The following RANBP2 variants were observed in gnomAD, a reference collection of about 807,000 sequenced individuals.
RANBP2 encodes RAN binding protein 2, also known as E3 SUMO-protein ligase RanBP2.
RANBP2 carries 57 observed loss-of-function variants against 303.6 expected under a neutral mutation model. The observed-to-expected ratio is 0.19, with a 90% CI of 0.15 to 0.23. The LOEUF (loss-of-function observed/expected upper bound fraction) is 0.23. RANBP2 is among the 10% of genes least tolerant of loss of function. The pLI, the probability that RANBP2 is intolerant of heterozygous loss-of-function variation, is 1.00. For missense variants in RANBP2, 3,138 were observed against 3,780.8 expected (o/e 0.83, Z 4.46); for synonymous variants, 1,167 against 1,301.5 (o/e 0.90, Z 2.23).
Position 108,782,743 on chromosome 2 carries a change from T to A in RANBP2, c.9250T>A (p.Leu3084Ile). 1 of 1,614,218 alleles carries A rather than the reference T, an allele frequency of 6.2e-7. No homozygotes were observed. Among genetic ancestry groups the A allele is most frequent in the Non-Finnish European group, 8.5e-7 (1 of 1,180,040 alleles). ...GEPLGRITMELFSNIVPRTAE... is the reference protein window; with the variant it reads ...GEPLGRITMEIFSNIVPRTAE... ...ACCTCTAGGGCGGATAACTATGGAATTATTTTCAAACATTGTTCCTCGGAC... is the reference window on the plus strand; with the variant it reads ...ACCTCTAGGGCGGATAACTATGGAAATATTTTCAAACATTGTTCCTCGGAC... The change falls in exon 28 of 29, where the codon TTA becomes ATA. Residue 3084 changes from leucine (L) to isoleucine (I), a missense_variant. Around this residue, in one of 20 missense-constraint regions of RANBP2, gnomAD observed 204 missense variants for 228.4 expected, o/e 0.89. Coordinates refer to ENST00000283195, the MANE Select transcript of RANBP2 (RefSeq NM_006267.5).
chr2:109,466,677 A>G, the RANBP2 span, among the ~76,000 whole-genome samples: 6,859 of 152,128 alleles, frequency 0.045, 460 homozygotes, highest in African/African-American at 0.14. Context: ...ATTTTTCCAT[A>G]TGTTATCTTC....
At chr2:109,006,017 G>A in the RANBP2 span, among the ~76,000 whole-genome samples, 1 of 152,120 alleles carries the variant, frequency 6.6e-6, no homozygotes, top group Non-Finnish European at 1.5e-5. Flanking sequence ...AGGTTCCTAC[G>A]GCCAGCCCGG....
chr2:109,074,992 C>T, the RANBP2 span, among the ~76,000 whole-genome samples: 1 of 122,506 alleles, frequency 8.2e-6, no homozygotes, highest in Admixed American at 9.6e-5. Context: ...CACCACTGCA[C>T]TCCAGCCTGG....
At chr2:109,593,257 T>C in the RANBP2 span, 18 of 489,366 alleles carry the variant, frequency 3.7e-5, no homozygotes, top group Admixed American at 1.2e-4. Flanking sequence ...GTCTACATTA[T>C]TGAATCGTGT....
rs190570817 is a variant in RANBP2 at position 108,760,540 on chromosome 2, A to G, written c.2603-1561A>G. Among the ~76,000 whole-genome samples, 676 of 152,284 alleles carry G rather than the reference A, an allele frequency of 4.4e-3. 4 individuals carry two copies. Among genetic ancestry groups the G allele is most frequent in the African/African-American group, 0.015 (644 of 41,554 alleles). On this transcript the variant is annotated intron_variant, in intron 18 of 28. Transcript: ENST00000283195. Reference sequence around the variant, plus strand: ...AGAATATTCAGTTTATGCTCTTACCACTAGTATCTGATAGTGCCATTTTCG... The same window carrying G: ...AGAATATTCAGTTTATGCTCTTACCGCTAGTATCTGATAGTGCCATTTTCG...
the RANBP2 span, among the ~76,000 whole-genome samples, chr2:109,154,930 A>G: frequency 1.6e-4 from 24 of 152,312 alleles, no homozygotes; most frequent in East Asian, 2.3e-3. Flanking sequence ...TGGCTTTCCA[A>G]ATCACGACTT....
At chr2:109,398,855 G>A in the RANBP2 span, 1 of 1,613,958 alleles carries the variant, frequency 6.2e-7, no homozygotes, top group Non-Finnish European at 8.5e-7. Context: ...ATGGAAATTA[G>A]TGCTCCAGTG....
the RANBP2 span, among the ~76,000 whole-genome samples, chr2:109,629,338 T>G: frequency 9.4e-5 from 1 of 10,680 alleles, no homozygotes; most frequent in Non-Finnish European, 2.2e-4. Context: ...TATATATATA[T>G]ATATATATAT....
At chr2:109,021,954 G>A in the RANBP2 span, among the ~76,000 whole-genome samples, 4 of 152,224 alleles carry the variant, frequency 2.6e-5, no homozygotes, top group Non-Finnish European at 5.9e-5. Flanking sequence ...CCAAGCAGGA[G>A]TGGAACTTTT....
At chr2:109,491,984 A>G in the RANBP2 span, among the ~76,000 whole-genome samples, 1 of 152,070 alleles carries the variant, frequency 6.6e-6, no homozygotes, top group Admixed American at 6.5e-5. Context: ...CTATCCTCAC[A>G]TATTCTTCTG....
intron 6 of RANBP2, among the ~76,000 whole-genome samples, chr2:108,738,412 G>A (rs957481282): frequency 6.6e-6 from 1 of 151,774 alleles, no homozygotes; most frequent in Non-Finnish European, 1.5e-5. Context: ...GTCTACCTTG[G>A]CCTCCCAAAG....
chr2:109,430,076 C>T, the RANBP2 span, among the ~76,000 whole-genome samples: 14 of 152,312 alleles, frequency 9.2e-5, no homozygotes, highest in African/African-American at 2.4e-4. Context: ...GCAGCTAGGG[C>T]GTGTTCTGAG....
chr2:109,453,212 T>C, the RANBP2 span, among the ~76,000 whole-genome samples: 1 of 152,098 alleles, frequency 6.6e-6, no homozygotes, highest in South Asian at 2.1e-4. Flanking sequence ...TGCAGGAACC[T>C]CTCCAGCCTA....
At chr2:108,940,875 C>G in the RANBP2 span, among the ~76,000 whole-genome samples, 1 of 152,138 alleles carries the variant, frequency 6.6e-6, no homozygotes, top group Admixed American at 6.5e-5. Context: ...AAACTAATCA[C>G]GTTTATTGAG....
the RANBP2 span, among the ~76,000 whole-genome samples, chr2:109,451,827 G>A: frequency 3.9e-5 from 6 of 152,318 alleles, no homozygotes; most frequent in East Asian, 9.7e-4. Flanking sequence ...GATAGCTCCC[G>A]AGCCTCTGTG....
chr2:109,707,494 C>T, the RANBP2 span, among the ~76,000 whole-genome samples: 7 of 152,324 alleles, frequency 4.6e-5, no homozygotes, highest in East Asian at 1.9e-4. Flanking sequence ...TAAATACCCA[C>T]GTTGCCAAAT....
chr2:108,929,549 T>G, the RANBP2 span, among the ~76,000 whole-genome samples: 52 of 152,216 alleles, frequency 3.4e-4, no homozygotes, highest in Non-Finnish European at 6.8e-4. Flanking sequence ...AACCAGCTCA[T>G]GCTCTGGGCT....
the RANBP2 span, among the ~76,000 whole-genome samples, chr2:109,090,990 A>G: frequency 2.0e-5 from 3 of 152,126 alleles, no homozygotes; most frequent in Admixed American, 6.5e-5. Context: ...TAAAGCTTTG[A>G]TATTTTGTTC....
chr2:109,717,643 G>A, the RANBP2 span, among the ~76,000 whole-genome samples: 2 of 151,964 alleles, frequency 1.3e-5, no homozygotes, highest in Non-Finnish European at 2.9e-5. Flanking sequence ...GCCAGGCACA[G>A]TGGCTCACAC....
Sources: allele counts gnomAD v4.1 joint callset (sites outside exome capture counted in the v4.1 genomes callset), GRCh38; gene constraint gnomAD v4.1.1; regional missense constraint gnomAD v4.1.1; transcripts MANE v1.5; gene names NCBI Gene and HGNC (gene_info 2026-07-23, HGNC 2026-07-21).